ARHGAP17: variants seen among roughly 807,000 people sequenced by gnomAD.
ARHGAP17 encodes the protein Rho GTPase activating protein 17, also known as rho GTPase-activating protein 17.
Under a neutral mutation model 99.5 loss-of-function variants are expected in ARHGAP17, and 57 were observed. That is an observed-to-expected ratio of 0.57 (90% confidence interval 0.46 to 0.71). The LOEUF (loss-of-function observed/expected upper bound fraction) is 0.71. ARHGAP17 is among the 30% of genes least tolerant of loss of function. The pLI, the probability that ARHGAP17 is intolerant of heterozygous loss-of-function variation, is 0.00. For synonymous variants in ARHGAP17, 417 were observed against 429.6 expected (o/e 0.97, Z 0.36); for missense variants, 1,000 against 1,122.4 (o/e 0.89, Z 1.56).
chr16:24,942,755 A>T (rs1283935781), intron 15 of ARHGAP17, among the ~76,000 whole-genome samples: 5 of 149,212 alleles, frequency 3.4e-5, no homozygotes, highest in African/African-American at 5.1e-5. Context: ...GCGACAGAGC[A>T]AGACTCTGTC....
intron 3 of ARHGAP17, 68 bp downstream of exon 3, chr16:24,977,147 C>A (rs1287724736): frequency 3.1e-6 from 4 of 1,308,202 alleles, no homozygotes; most frequent in Non-Finnish European, 3.0e-6. Flanking sequence ...GACAACCAAC[C>A]AATCCAGGGG....
At chr16:25,000,800 T>C (rs1349641460) in intron 1 of ARHGAP17, among the ~76,000 whole-genome samples, 2 of 152,238 alleles carry the variant, frequency 1.3e-5, no homozygotes, top group African/African-American at 4.8e-5. Context: ...TGCATTGCAA[T>C]TGTTTTCTCC....
At chr16:24,932,471 G>A (rs2051020933) in intron 18 of ARHGAP17, among the ~76,000 whole-genome samples, 1 of 151,978 alleles carries the variant, frequency 6.6e-6, no homozygotes. Context: ...GCAGAAAGAG[G>A]CAGAACAGCC....
rs145583328 is a variant in ARHGAP17, at chr16:24,984,981, T to C, written c.54-5976A>G. 2.8e-4 allele frequency among the ~76,000 whole-genome samples: 43 copies of C among 152,322 alleles called. 1 individual carries two copies. In the East Asian group the frequency reaches 6.6e-3, roughly 23 times the overall value. On this transcript the variant is annotated intron_variant, in intron 1 of 19. Transcript: ENST00000289968. ...AGTGAAAGCCATTCCTCCAATCCCATATCCCAAAGGGTACTGTTACGAATT... is the reference window on the plus strand; with the variant it reads ...AGTGAAAGCCATTCCTCCAATCCCACATCCCAAAGGGTACTGTTACGAATT...
chr16:24,942,097 CG>C lies in ARHGAP17; in HGVS notation c.1379del (p.Pro460ArgfsTer28). On this transcript the variant is annotated frameshift_variant, in exon 16 of 20. Coordinates refer to ENST00000289968, the MANE Select transcript of ARHGAP17 (RefSeq NM_001006634.3). LOFTEE classifies it high-confidence loss of function. ...VSEAFVPLTT[P>X]SSNHSFHTGN... ...CAGTGTGGAATGAGTGATTAGAACT[CG>C]GGGTGGTGAGAGGTACAAATGCTTC... The C allele has an allele frequency of 1.3e-6, 2 of 1,561,058 alleles. No homozygotes were observed. Among genetic ancestry groups the C allele is most frequent in the Non-Finnish European group, 1.7e-6 (2 of 1,146,790 alleles).
intron 18 of ARHGAP17, among the ~76,000 whole-genome samples, chr16:24,934,882 G>A (rs1490945817): frequency 6.6e-6 from 1 of 152,258 alleles, no homozygotes; most frequent in African/African-American, 2.4e-5. Flanking sequence ...CAAGAGTGGA[G>A]TGTGTTGAGA....
chr16:25,004,162 G>A (rs202194620), intron 1 of ARHGAP17, among the ~76,000 whole-genome samples: 2 of 152,208 alleles, frequency 1.3e-5, no homozygotes, highest in African/African-American at 2.4e-5. Flanking sequence ...AGTGGCTCAC[G>A]TCTGTAATCC....
intron 1 of ARHGAP17, among the ~76,000 whole-genome samples, chr16:24,980,560 A>T (rs570344370): frequency 1.3e-4 from 20 of 152,302 alleles, no homozygotes; most frequent in African/African-American, 4.6e-4. Flanking sequence ...CTTGGCAAGC[A>T]AGGTGCCAGG....
intron 14 of ARHGAP17, among the ~76,000 whole-genome samples, chr16:24,947,130 C>A (rs1035368047): frequency 2.0e-5 from 3 of 152,168 alleles, no homozygotes; most frequent in Admixed American, 6.5e-5. Flanking sequence ...TCAGGCCCAG[C>A]CAGACACCCT....
chr16:24,953,935 G>A (rs938086181), intron 10 of ARHGAP17, among the ~76,000 whole-genome samples: 2 of 152,172 alleles, frequency 1.3e-5, no homozygotes, highest in South Asian at 2.1e-4. Context: ...TGATCTGAGC[G>A]CCGACTCCAT....
chr16:25,002,831 G>C (rs967793249), intron 1 of ARHGAP17, among the ~76,000 whole-genome samples: 5 of 152,162 alleles, frequency 3.3e-5, no homozygotes, highest in Admixed American at 2.6e-4. Flanking sequence ...CTGAGGTCAG[G>C]AGTTTGAGAC....
intron 9 of ARHGAP17, 65 bp downstream of exon 9, chr16:24,959,606 A>G: frequency 6.6e-7 from 1 of 1,516,918 alleles, no homozygotes; most frequent in South Asian, 1.2e-5. Context: ...GTCAGGGTGA[A>G]GAAGAACCCA....
intron 1 of ARHGAP17, among the ~76,000 whole-genome samples, chr16:24,994,162 G>C (rs1306794094): frequency 6.6e-6 from 1 of 152,288 alleles, no homozygotes; most frequent in African/African-American, 2.4e-5. Context: ...AGTTTTTGAG[G>C]GATGATGGTA....
chr16:24,939,790 A>G (rs1046958615), intron 16 of ARHGAP17, 193 bp from the exon 17 acceptor site: 28 of 636,646 alleles, frequency 4.4e-5, no homozygotes, highest in Admixed American at 7.6e-5. Flanking sequence ...AGCAAAGCCA[A>G]TGAACCTGGT....
chr16:24,950,853 A>G (rs866454657), intron 12 of ARHGAP17, among the ~76,000 whole-genome samples: 43 of 150,600 alleles, frequency 2.9e-4, no homozygotes, highest in South Asian at 6.3e-4. Context: ...AAAAAAAAAA[A>G]AAAAAGAAAA....
At chr16:25,012,806 T>A (rs1214928091) in intron 1 of ARHGAP17, among the ~76,000 whole-genome samples, 2 of 152,184 alleles carry the variant, frequency 1.3e-5, no homozygotes, top group Non-Finnish European at 2.9e-5. Flanking sequence ...TCCACTGGCA[T>A]CTAGCAATAA....
chr16:24,949,620 A>G, intron 12 of ARHGAP17, 136 bp from the exon 13 acceptor site: 2 of 686,766 alleles, frequency 2.9e-6, no homozygotes, highest in South Asian at 4.0e-5. Context: ...GGAAATAAAC[A>G]GATTTAGAGT....
At chr16:24,994,695 G>C (rs4787298) in intron 1 of ARHGAP17, among the ~76,000 whole-genome samples, 1 of 151,826 alleles carries the variant, frequency 6.6e-6, no homozygotes, top group African/African-American at 2.4e-5. Flanking sequence ...GTGTTACAGA[G>C]GAAGAAACTG....
In ARHGAP17 at chr16:24,968,395, C is replaced by T. The variant is rs573981445; in HGVS notation, c.417G>A (p.Lys139=). The part of the protein sequence containing the change: ...VEIPNIQKQR[K]QLARLVLDWD... ...AGTCTAACACCAATCTTGCAAGCTG[C>T]TTCCTCTGCTTCTGGATGTTGGGAA... Residue 139 remains lysine, a synonymous_variant, in exon 6 of 20, where the codon AAG becomes AAA. Coordinates refer to ENST00000289968, the MANE Select transcript of ARHGAP17 (RefSeq NM_001006634.3). 14 of 1,614,120 alleles carry T rather than the reference C, an allele frequency of 8.7e-6. No individual in the cohort carries two copies. In the African/African-American group the frequency reaches 1.3e-4, roughly 15 times the overall value.
Sources: gnomAD v4.1 joint callset for allele counts (sites outside exome capture counted in the v4.1 genomes callset) on GRCh38, gnomAD v4.1.1 for gene constraint, MANE v1.5 for transcripts, NCBI Gene and HGNC (gene_info 2026-07-23, HGNC 2026-07-21) for gene names.